Variants in ALB observed in about 807,000 individuals in gnomAD.
The protein encoded by ALB is albumin.
ALB carries 37 observed loss-of-function variants against 74.5 expected under a neutral mutation model. The observed-to-expected ratio is 0.50, with a 90% CI of 0.38 to 0.65. The LOEUF (loss-of-function observed/expected upper bound fraction) is 0.65. ALB is among the 30% of genes least tolerant of loss of function. ALB has a pLI of 0.00. For missense variants in ALB, 685 were observed against 718.7 expected, an observed-to-expected ratio of 0.95 and a Z score of 0.54; for synonymous variants, 249 against 251.6, an observed-to-expected ratio of 0.99 and a Z score of 0.10.
intron 3 of ALB, among the ~76,000 whole-genome samples, chr4:73,407,976 T>G (rs1718774682): frequency 6.6e-6 from 1 of 152,160 alleles, no homozygotes; most frequent in Non-Finnish European, 1.5e-5. Flanking sequence ...ACATAAAAAT[T>G]AATAAATTCT....
intron 5 of ALB, among the ~76,000 whole-genome samples, 170 bp downstream of exon 5, chr4:73,409,657 C>A (rs573281224): frequency 6.6e-5 from 10 of 152,116 alleles, no homozygotes; most frequent in Non-Finnish European, 1.0e-4. Flanking sequence ...CCTACACTCT[C>A]GTTTCTTCTT....
rs765138364 is a variant in ALB, at chr4:73,418,077, C to A, written c.1429-11C>A. 6.2e-7 allele frequency: 1 copy of A among 1,613,268 alleles called. No homozygotes were observed. The highest frequency in any genetic ancestry group is 8.5e-7 in the Non-Finnish European group (1 of 1,179,310). Reference sequence around the variant, plus strand: ...CTCTTTTGAATTTCTGCTCTCCTGCCTGTTCTTTAGCTATCCGTGGTCCTG... The same window carrying A: ...CTCTTTTGAATTTCTGCTCTCCTGCATGTTCTTTAGCTATCCGTGGTCCTG... On this transcript the variant is annotated splice_polypyrimidine_tract_variant and intron_variant, in intron 11 of 14. Coordinates refer to ENST00000295897, the MANE Select transcript of ALB (RefSeq NM_000477.7).
intron 1 of ALB, among the ~76,000 whole-genome samples, 171 bp downstream of exon 1, chr4:73,404,577 A>G (rs981811206): frequency 1.3e-5 from 2 of 151,522 alleles, no homozygotes; most frequent in African/African-American, 4.9e-5. Flanking sequence ...AAATTCAAAC[A>G]TCCTAGGTAA....
At chr4:73,419,456 G>A (rs370726356) in intron 12 of ALB, 51 bp from the exon 13 acceptor site, 58 of 1,570,800 alleles carry the variant, frequency 3.7e-5, no homozygotes, top group East Asian at 4.5e-5. Context: ...TTTTCTATAC[G>A]TGAGTAATGT....
chr4:73,418,686 A>G (rs978933476), intron 12 of ALB, among the ~76,000 whole-genome samples: 17 of 152,340 alleles, frequency 1.1e-4, no homozygotes, highest in African/African-American at 3.4e-4. Context: ...AGTTTGCCCT[A>G]TGGTGGCCCC....
At chr4:73,410,461 G>A (rs1214796602) in intron 6 of ALB, 52 bp downstream of exon 6, 1 of 1,291,820 alleles carries the variant, frequency 7.7e-7, no homozygotes. Flanking sequence ...AAATGATAAT[G>A]CTTCAGTGAC....
intron 10 of ALB, 131 bp from the exon 11 acceptor site, chr4:73,417,400 T>C: frequency 8.2e-7 from 1 of 1,213,308 alleles, no homozygotes; most frequent in Non-Finnish European, 1.2e-6. Flanking sequence ...CCCACTACTC[T>C]GCAGATGGAG....
chr4:73,419,741 G>A, intron 13 of ALB, 102 bp downstream of exon 13: 1 of 1,366,850 alleles, frequency 7.3e-7, no homozygotes, highest in South Asian at 1.2e-5. Context: ...CTTTGTACAT[G>A]TGGGACAGGG....
At chr4:73,419,721 T>C in intron 13 of ALB, 82 bp downstream of exon 13, 2 of 1,520,380 alleles carry the variant, frequency 1.3e-6, no homozygotes, top group Non-Finnish European at 1.8e-6. Context: ...GATTTATATA[T>C]CAAAGGAGGC....
At chr4:73,406,882 A>G in intron 3 of ALB, 121 bp downstream of exon 3, 1 of 1,196,400 alleles carries the variant, frequency 8.4e-7, no homozygotes, top group Non-Finnish European at 1.2e-6. Context: ...AAGAAACACT[A>G]AAAAGTTGCT....
rs893689870 is a variant in ALB, at chr4:73,404,317, C to G, written c.-11C>G. ...TTTTCTCTTCTGTCAACCCCACACG[C>G]CTTTGGCACAATGAAGTGGGTAACC... On this transcript the variant is annotated 5_prime_UTR_variant, in exon 1 of 15. Transcript: ENST00000295897. The G allele has an allele frequency of 1.2e-6, 2 of 1,610,510 alleles. No homozygotes were observed. The highest frequency in any genetic ancestry group is 2.2e-5 in the East Asian group (1 of 44,804).
At chr4:73,412,430 T>C (rs186058517) in intron 7 of ALB, among the ~76,000 whole-genome samples, 19 of 152,230 alleles carry the variant, frequency 1.2e-4, no homozygotes, top group Non-Finnish European at 2.5e-4. Context: ...TCTTGCAAGG[T>C]AGATGTCTAA....
intron 10 of ALB, 30 bp downstream of exon 10, chr4:73,416,383 T>TA (rs397993990): frequency 2.0e-6 from 3 of 1,532,540 alleles, no homozygotes; most frequent in African/African-American, 2.7e-5. Context: ...TGATTTTTTT[T>TA]ATCAATTTGT....
rs878857929 is a variant in ALB at position 73,421,255 on chromosome 4, A to T, written c.*187A>T. ...AATTAATAAAAAATGGAAAGAATCT[A>T]ATAGAGTGGTACAGCACTGTTATTT... On this transcript the variant is annotated 3_prime_UTR_variant, in exon 15 of 15. Coordinates refer to ENST00000295897, the MANE Select transcript of ALB (RefSeq NM_000477.7). 1 of 591,832 alleles carries T rather than the reference A, an allele frequency of 1.7e-6. No homozygotes were observed. The highest frequency in any genetic ancestry group is 2.1e-5 in the South Asian group (1 of 47,602). The allele number at this position is 591,832 out of a possible 1,614,324, so 36.7% of individuals were successfully genotyped here. A position where few individuals can be genotyped will look rare whatever the true frequency, so the allele number is the denominator to read the frequency against.
chr4:73,417,484 T>C (rs766982419), intron 10 of ALB, 47 bp from the exon 11 acceptor site: 2 of 1,609,940 alleles, frequency 1.2e-6, no homozygotes, highest in African/African-American at 2.7e-5. Flanking sequence ...TCTACTATGT[T>C]AGACAGTTTC....
In ALB at chr4:73,413,516, A is replaced by G; in HGVS notation, c.940A>G (p.Ile314Val). 2 of 1,614,180 alleles carry G rather than the reference A, an allele frequency of 1.2e-6. No homozygotes were observed. The highest frequency in any genetic ancestry group is 1.7e-6 in the Non-Finnish European group (2 of 1,180,020). ...EKPLLEKSHC[I>V]AEVENDEMPA... ...ACCTCTGTTGGAAAAATCCCACTGC[A>G]TTGCCGAAGTGGAAAATGATGAGAT... The change falls in exon 8 of 15, where the codon ATT becomes GTT. Residue 314 changes from isoleucine (I) to valine (V), a missense_variant. Transcript: ENST00000295897.
chr4:73,406,798 T>C lies in ALB; in HGVS notation c.270+37T>C, dbSNP rs140266237. The C allele has an allele frequency of 4.0e-4, 637 of 1,611,816 alleles. 4 individuals carry two copies. In the African/African-American group the frequency reaches 7.5e-3, roughly 19 times the overall value. ...CTAATTGTGGAGATTCTTTCTTCTGTTTGAAGTAATCCCAAGCATTTCAAA... is the reference window on the plus strand; with the variant it reads ...CTAATTGTGGAGATTCTTTCTTCTGCTTGAAGTAATCCCAAGCATTTCAAA... On this transcript the variant is annotated intron_variant, in intron 3 of 14. Transcript: ENST00000295897.
rs1415356089 is a variant in ALB, at chr4:73,421,295, G to C, written c.*227G>C. On this transcript the variant is annotated 3_prime_UTR_variant, in exon 15 of 15. Transcript: ENST00000295897. Reference sequence around the variant, plus strand: ...CACTGTTATTTTTCAAAGATGTGTTGCTATCCTGAAAATTCTGTAGGTTCT... The same window carrying C: ...CACTGTTATTTTTCAAAGATGTGTTCCTATCCTGAAAATTCTGTAGGTTCT... 2.4e-6 allele frequency: 1 copy of C among 423,358 alleles called. No homozygotes were observed. The highest frequency in any genetic ancestry group is 2.0e-5 in the African/African-American group (1 of 48,920). The allele number at this position is 423,358 out of a possible 1,614,324, so 26.2% of individuals were successfully genotyped here.
At chr4:73,416,375 A>T (rs770341325) in intron 10 of ALB, 22 bp downstream of exon 10, 3 of 1,521,040 alleles carry the variant, frequency 2.0e-6, no homozygotes, top group Non-Finnish European at 2.7e-6. Flanking sequence ...TTATTGACTG[A>T]TTTTTTTTAT....
Sources: allele counts gnomAD v4.1 joint callset (sites outside exome capture counted in the v4.1 genomes callset), GRCh38; gene constraint gnomAD v4.1.1; transcripts MANE v1.5; gene names NCBI Gene and HGNC (gene_info 2026-07-23, HGNC 2026-07-21).